The following IMMP2L variants were observed in gnomAD, a reference collection of about 807,000 sequenced individuals.
IMMP2L encodes mitochondrial inner membrane protease subunit 2.
A neutral mutation model predicts 19.3 loss-of-function variants in IMMP2L; 18 were observed. The ratio of observed to expected loss-of-function variants is 0.93; its 90% CI spans 0.64 to 1.38. The LOEUF is 1.38. Ranked by LOEUF, IMMP2L falls within the 40% of genes most tolerant of loss-of-function variation. The probability of loss-of-function intolerance (pLI) is 0.00; values close to 1 mark genes in which losing one functional copy is unlikely to be tolerated. For synonymous variants in IMMP2L, 76 were observed against 73.0 expected (o/e 1.04, Z -0.21); for missense variants, 233 against 218.2 (o/e 1.07, Z -0.43).
chr7:110,841,916 A>G (rs1805126703), intron 5 of IMMP2L, among the ~76,000 whole-genome samples: 1 of 152,186 alleles, frequency 6.6e-6, no homozygotes, highest in Admixed American at 6.5e-5. Context: ...CTAAGTTAAA[A>G]TAAACACTGG....
chr7:110,704,092 C>T (rs1420189788), intron 5 of IMMP2L, among the ~76,000 whole-genome samples: 1 of 152,096 alleles, frequency 6.6e-6, no homozygotes, highest in Non-Finnish European at 1.5e-5. Flanking sequence ...CATGATCCAC[C>T]CGCCTTGGCC....
chr7:111,520,363 T>A (rs1374539895), intron 2 of IMMP2L, among the ~76,000 whole-genome samples: 1 of 152,064 alleles, frequency 6.6e-6, no homozygotes, highest in Non-Finnish European at 1.5e-5. Flanking sequence ...TTTAAAAATG[T>A]AGCTTTTCCC....
intron 3 of IMMP2L, among the ~76,000 whole-genome samples, chr7:111,030,896 A>G (rs1171725507): frequency 0.19 from 3,961 of 20,570 alleles, 89 homozygotes; most frequent in African/African-American, 0.31. Context: ...ATATATATAT[A>G]TATATATATA....
At chr7:111,104,233 C>T (rs555468767) in intron 3 of IMMP2L, among the ~76,000 whole-genome samples, 153 of 151,690 alleles carry the variant, frequency 1.0e-3, no homozygotes, top group African/African-American at 3.6e-3. Context: ...AATGATGAAA[C>T]TCCAGGTAGG....
chr7:110,810,125 T>C (rs1477410714), intron 5 of IMMP2L, among the ~76,000 whole-genome samples: 2 of 152,084 alleles, frequency 1.3e-5, no homozygotes, highest in African/African-American at 4.8e-5. Flanking sequence ...GGAAATGTTT[T>C]GCTTATCCCT....
At chr7:110,720,781 C>G (rs1454110430) in intron 5 of IMMP2L, among the ~76,000 whole-genome samples, 1 of 152,100 alleles carries the variant, frequency 6.6e-6, no homozygotes, top group African/African-American at 2.4e-5. Flanking sequence ...AGCGGTTCTG[C>G]CTATGCTTTT....
intron 5 of IMMP2L, among the ~76,000 whole-genome samples, chr7:110,853,120 A>G (rs2131541636): frequency 6.6e-6 from 1 of 152,130 alleles, no homozygotes; most frequent in South Asian, 2.1e-4. Flanking sequence ...ACACACACAC[A>G]CGCATATATC....
intron 3 of IMMP2L, among the ~76,000 whole-genome samples, chr7:111,172,573 AG>A (rs1271312853): frequency 6.6e-6 from 1 of 151,544 alleles, no homozygotes; most frequent in East Asian, 1.9e-4. Context: ...CTATCGTGCT[AG>A]GGAACACTAG....
At chr7:110,723,587 T>C (rs1165295379) in intron 5 of IMMP2L, among the ~76,000 whole-genome samples, 2 of 152,136 alleles carry the variant, frequency 1.3e-5, no homozygotes, top group Non-Finnish European at 2.9e-5. Context: ...GTTCTAAAAA[T>C]TGATTGATGG....
intron 3 of IMMP2L, among the ~76,000 whole-genome samples, chr7:111,144,621 C>T (rs1043028712): frequency 6.6e-6 from 1 of 152,030 alleles, no homozygotes; most frequent in Admixed American, 6.6e-5. Context: ...TGAGTTAAAA[C>T]ATATTAAATC....
At chr7:111,221,494 T>A (rs1230662172) in intron 3 of IMMP2L, among the ~76,000 whole-genome samples, 1 of 151,354 alleles carries the variant, frequency 6.6e-6, no homozygotes, top group Non-Finnish European at 1.5e-5. Context: ...ATTTCAATAC[T>A]GAAACAGAGA....
At chr7:111,470,967 A>G (rs1841206274) in intron 3 of IMMP2L, among the ~76,000 whole-genome samples, 1 of 152,022 alleles carries the variant, frequency 6.6e-6, no homozygotes, top group African/African-American at 2.4e-5. Flanking sequence ...CCAAGAAAAA[A>G]GGATGTAATA....
chr7:110,810,565 C>G (rs1186293641), intron 5 of IMMP2L, among the ~76,000 whole-genome samples: 1 of 151,924 alleles, frequency 6.6e-6, no homozygotes, highest in Non-Finnish European at 1.5e-5. Flanking sequence ...CCCATTTATT[C>G]CTGAGGTTGC....
At position 110,788,358 on chromosome 7, in the gene IMMP2L, A is replaced by G. The variant is rs530521227; in HGVS notation, c.408+98235T>C. On this transcript the variant is annotated intron_variant, in intron 5 of 5. Transcript: ENST00000405709. ...CACATCTTATAATAGCACGTGATGC[A>G]GTGGATTTAAGCTAATGTAAATACT... 1.3e-3 allele frequency among the ~76,000 whole-genome samples: 200 copies of G among 149,476 alleles called. 5 individuals are homozygous for G. Among genetic ancestry groups the G allele is most frequent in the African/African-American group, 4.9e-3 (191 of 38,962 alleles).
chr7:111,313,289 T>C (rs946848264), intron 3 of IMMP2L, among the ~76,000 whole-genome samples: 1 of 152,158 alleles, frequency 6.6e-6, no homozygotes, highest in Non-Finnish European at 1.5e-5. Context: ...TCTTTCAAGA[T>C]TGCCTTGCTT....
intron 3 of IMMP2L, among the ~76,000 whole-genome samples, chr7:111,032,169 G>A (rs2129569074): frequency 6.6e-6 from 1 of 152,178 alleles, no homozygotes. Context: ...TCAAACTTCT[G>A]GGCTTAAGGT....
chr7:111,537,632 C>A (rs1010879840), intron 1 of IMMP2L, among the ~76,000 whole-genome samples: 1 of 149,848 alleles, frequency 6.7e-6, no homozygotes, highest in Non-Finnish European at 1.5e-5. Context: ...GCCTCCCAGG[C>A]ACAAGCAATC....
At chr7:111,092,377 G>A (rs1348160789) in intron 3 of IMMP2L, among the ~76,000 whole-genome samples, 1 of 152,168 alleles carries the variant, frequency 6.6e-6, no homozygotes, top group African/African-American at 2.4e-5. Context: ...TGCTGTTGTT[G>A]AGCTGGATGG....
intron 3 of IMMP2L, among the ~76,000 whole-genome samples, chr7:110,983,443 C>T (rs1821515698): frequency 6.6e-6 from 1 of 151,994 alleles, no homozygotes; most frequent in East Asian, 1.9e-4. Flanking sequence ...CTTGAGAAAT[C>T]ACTGCCTCCT....
Sources: allele counts gnomAD v4.1 joint callset (sites outside exome capture counted in the v4.1 genomes callset), GRCh38; gene constraint gnomAD v4.1.1; transcripts MANE v1.5; gene names NCBI Gene and HGNC (gene_info 2026-07-23, HGNC 2026-07-21).